FSTL4: variants seen among roughly 807,000 people sequenced by gnomAD.
The protein encoded by FSTL4 is follistatin like 4, also known as follistatin-related protein 4.
FSTL4 carries 28 observed loss-of-function variants against 78.2 expected under a neutral mutation model. That is an observed-to-expected ratio of 0.36 (90% CI 0.27 to 0.49). The LOEUF is 0.49. FSTL4 is among the 20% of genes least tolerant of loss of function. FSTL4 has a pLI of 0.98. For missense variants in FSTL4, 922 were observed against 1,084.9 expected (o/e 0.85, Z 2.11); for synonymous variants, 422 against 440.5 (o/e 0.96, Z 0.53).
the FSTL4 span, among the ~76,000 whole-genome samples, chr5:133,749,067 G>A: frequency 6.6e-6 from 1 of 152,172 alleles, no homozygotes; most frequent in Non-Finnish European, 1.5e-5. Flanking sequence ...AAGCTCTCTG[G>A]GAGTGGGTTG....
chr5:133,249,888 G>A (rs1392923099), intron 6 of FSTL4, among the ~76,000 whole-genome samples: 1 of 152,360 alleles, frequency 6.6e-6, no homozygotes, highest in Non-Finnish European at 1.5e-5. Flanking sequence ...AGGCCAGGGG[G>A]CCCACCACAG....
At chr5:133,628,912 TG>T in the FSTL4 span, among the ~76,000 whole-genome samples, 2 of 130,152 alleles carry the variant, frequency 1.5e-5, 1 homozygote, top group African/African-American at 5.8e-5. Context: ...TATACAATCA[TG>T]TCGTCTGCAA....
chr5:133,446,693 C>T (rs1448194223), intron 3 of FSTL4, among the ~76,000 whole-genome samples: 1 of 152,224 alleles, frequency 6.6e-6, no homozygotes, highest in African/African-American at 2.4e-5. Flanking sequence ...TCCCACAGCC[C>T]AGCCCCCTCC....
chr5:133,611,713 T>C lies in FSTL4; in HGVS notation c.-11+612A>G, dbSNP rs932612797. ...GGAGTCGGGTCGTGCCCTGATTCCT[T>C]CCTCCCCAGCCTCACATGCGGCGGA... On this transcript the variant is annotated intron_variant, in intron 1 of 15. Coordinates refer to ENST00000265342, the MANE Select transcript of FSTL4 (RefSeq NM_015082.2). The surrounding 1 kb of genome is among the most constrained non-coding windows in gnomAD (Gnocchi z 4.9). Among the ~76,000 whole-genome samples the C allele has an allele frequency of 6.6e-6, 1 of 152,220 alleles. No individual in the cohort carries two copies. The highest frequency in any genetic ancestry group is 1.5e-5 in the Non-Finnish European group (1 of 67,996).
intron 7 of FSTL4, among the ~76,000 whole-genome samples, chr5:133,237,940 T>C (rs147850205): frequency 9.4e-4 from 143 of 152,250 alleles, no homozygotes; most frequent in African/African-American, 3.3e-3. Flanking sequence ...GATTAGACCA[T>C]TCTTTGTATT....
the FSTL4 span, among the ~76,000 whole-genome samples, chr5:133,625,724 CAT>C: frequency 8.0e-4 from 47 of 58,812 alleles, no homozygotes; most frequent in Admixed American, 1.4e-3. Flanking sequence ...GAGACAGTTC[CAT>C]ATATATATAT....
At chr5:133,636,955 A>G in the FSTL4 span, among the ~76,000 whole-genome samples, 4 of 152,196 alleles carry the variant, frequency 2.6e-5, no homozygotes, top group Non-Finnish European at 2.9e-5. Flanking sequence ...CAACTTATTC[A>G]TGGTTACACA....
chr5:133,274,111 G>A (rs1752826576), intron 6 of FSTL4, among the ~76,000 whole-genome samples: 1 of 152,190 alleles, frequency 6.6e-6, no homozygotes, highest in Non-Finnish European at 1.5e-5. Flanking sequence ...GCGGTGGCTG[G>A]GGCTGATGGA....
At chr5:133,798,984 G>T in the FSTL4 span, among the ~76,000 whole-genome samples, 1,595 of 86,500 alleles carry the variant, frequency 0.018, 86 homozygotes, top group African/African-American at 0.081. Context: ...GAGGGAGGGA[G>T]GGAGGAAGGG....
At chr5:133,818,931 C>CTATATATATATATATA in the FSTL4 span, among the ~76,000 whole-genome samples, 9,407 of 61,638 alleles carry the variant, frequency 0.15, 2,252 homozygotes, top group East Asian at 0.31. Context: ...TTAGAAGATA[C>CTATATATATATATATA]TATATATATA....
chr5:133,416,633 G>C (rs1273512972), intron 3 of FSTL4, among the ~76,000 whole-genome samples: 1 of 152,172 alleles, frequency 6.6e-6, no homozygotes, highest in Non-Finnish European at 1.5e-5. Flanking sequence ...CATTACCAGT[G>C]GTGTCACCAG....
chr5:133,416,267 A>G (rs553576197), intron 3 of FSTL4, among the ~76,000 whole-genome samples: 2 of 152,354 alleles, frequency 1.3e-5, no homozygotes, highest in African/African-American at 4.8e-5. Flanking sequence ...GTAAGGTCGT[A>G]ATGGGTAATA....
At chr5:133,241,403 C>T (rs557083905) in intron 7 of FSTL4, among the ~76,000 whole-genome samples, 6 of 152,286 alleles carry the variant, frequency 3.9e-5, no homozygotes, top group Admixed American at 1.3e-4. Context: ...TAGTGGTATG[C>T]GTGTTGAAAT....
intron 3 of FSTL4, among the ~76,000 whole-genome samples, chr5:133,423,005 A>C (rs890940787): frequency 6.6e-6 from 1 of 152,228 alleles, no homozygotes; most frequent in Non-Finnish European, 1.5e-5. Flanking sequence ...AATGAGGCTA[A>C]ATGAACAAGA....
the FSTL4 span, among the ~76,000 whole-genome samples, chr5:133,688,175 G>A: frequency 1.3e-5 from 2 of 152,252 alleles, no homozygotes; most frequent in East Asian, 1.9e-4. Context: ...TTGAGAGGTC[G>A]AGGCAGGCGG....
intron 4 of FSTL4, among the ~76,000 whole-genome samples, chr5:133,398,101 A>C: frequency 6.6e-6 from 1 of 150,450 alleles, no homozygotes. Flanking sequence ...ATTTCGTTCT[A>C]CTCCCCCCTG....
At chr5:133,389,543 C>T (rs1755788866) in intron 4 of FSTL4, among the ~76,000 whole-genome samples, 1 of 152,204 alleles carries the variant, frequency 6.6e-6, no homozygotes, top group South Asian at 2.1e-4. Context: ...GTGTCCCCTT[C>T]TGAAACCTCC....
chr5:133,822,496 C>G, the FSTL4 span, among the ~76,000 whole-genome samples: 1 of 152,148 alleles, frequency 6.6e-6, no homozygotes, highest in Non-Finnish European at 1.5e-5. Context: ...GGGTCACACA[C>G]AGAACCATTG....
the FSTL4 span, among the ~76,000 whole-genome samples, chr5:133,760,841 C>T: frequency 6.6e-6 from 1 of 152,202 alleles, no homozygotes; most frequent in Non-Finnish European, 1.5e-5. Context: ...GCCATGGTGG[C>T]TTGGTGTGTT....
Sources: allele counts gnomAD v4.1 joint callset (sites outside exome capture counted in the v4.1 genomes callset), GRCh38; gene constraint gnomAD v4.1.1; non-coding constraint Gnocchi (gnomAD v3.1); transcripts MANE v1.5; gene names NCBI Gene and HGNC (gene_info 2026-07-23, HGNC 2026-07-21).